The following RALGPS2 variants were observed in gnomAD, a reference collection of about 807,000 sequenced individuals.
The protein encoded by RALGPS2 is Ral GEF with PH domain and SH3 binding motif 2, also known as ras-specific guanine nucleotide-releasing factor RalGPS2.
A neutral mutation model predicts 86.8 loss-of-function variants in RALGPS2; 43 were observed. That is an observed-to-expected ratio of 0.50 (90% confidence interval 0.39 to 0.64). RALGPS2 has a LOEUF of 0.64. Ranked by LOEUF, RALGPS2 falls within the 30% of genes least tolerant of loss-of-function variation. The pLI is 0.00. For missense variants in RALGPS2, 536 were observed against 694.6 expected (o/e 0.77, Z 2.57); for synonymous variants, 243 against 231.3 (o/e 1.05, Z -0.46).
intron 4 of RALGPS2, among the ~76,000 whole-genome samples, chr1:178,802,216 A>T (rs1654514139): frequency 6.6e-6 from 1 of 152,086 alleles, no homozygotes; most frequent in Admixed American, 6.6e-5. Flanking sequence ...TTCTTAAAGT[A>T]AGCTAGAAAA....
chr1:178,741,433 G>T (rs1016429175), intron 1 of RALGPS2, among the ~76,000 whole-genome samples: 2 of 152,232 alleles, frequency 1.3e-5, no homozygotes, highest in South Asian at 2.1e-4. Context: ...CTTTTTAAAT[G>T]AAGCTAAGGA....
rs1660207155 is a variant in RALGPS2, at chr1:178,902,202, T to G, written c.1621T>G (p.Ser541Ala). 1.2e-6 allele frequency: 2 copies of G among 1,611,006 alleles called. No individual in the cohort carries two copies. The highest frequency in any genetic ancestry group is 1.3e-5 in the African/African-American group (1 of 74,798). Residue 541 changes from serine to alanine, a missense_variant, in exon 18 of 20, where the codon TCT becomes GCT. Coordinates refer to ENST00000367635, the MANE Select transcript of RALGPS2 (RefSeq NM_152663.5). ...TCCTGATCTCTTCCTGCTGACTGAC[T>G]CTGAGAAAGGTGAATTGTTAGAATA... is the stretch of plus-strand genomic sequence containing the variant. ...EHPDLFLLTD[S>A]EKGNSYKFQA... is the part of the protein sequence containing the mutation.
At chr1:178,800,640 G>T (rs569363831) in intron 4 of RALGPS2, among the ~76,000 whole-genome samples, 35 of 152,268 alleles carry the variant, frequency 2.3e-4, no homozygotes, top group Non-Finnish European at 4.7e-4. Flanking sequence ...TATGAGTAAG[G>T]CTGGTCAGCA....
At chr1:178,879,856 C>T (rs1659164130) in intron 10 of RALGPS2, 1 of 150,938 alleles carries the variant, frequency 6.6e-6, no homozygotes, top group South Asian at 2.1e-4. Context: ...ATTTTTATCT[C>T]CTTATATCCA....
At chr1:178,839,615 A>C (rs971765954) in intron 8 of RALGPS2, among the ~76,000 whole-genome samples, 11 of 152,170 alleles carry the variant, frequency 7.2e-5, no homozygotes, top group African/African-American at 2.7e-4. Context: ...TAATGAGCAA[A>C]ATAACCAGCG....
intron 1 of RALGPS2, among the ~76,000 whole-genome samples, chr1:178,734,729 T>C (rs1174123435): frequency 6.6e-6 from 1 of 152,192 alleles, no homozygotes; most frequent in Non-Finnish European, 1.5e-5. Flanking sequence ...GTGGAAAATG[T>C]TGCACACTAA....
intron 10 of RALGPS2, among the ~76,000 whole-genome samples, chr1:178,882,197 TGATTCACCCAATAA>T (rs11273241): frequency 0.089 from 13,548 of 152,248 alleles, 653 homozygotes; most frequent in African/African-American, 0.13. Flanking sequence ...AATAGCAATG[TGATTCACCCAATAA>T]GCTCCCTTTC....
intron 8 of RALGPS2, among the ~76,000 whole-genome samples, chr1:178,871,368 A>T (rs1050240032): frequency 6.6e-6 from 1 of 152,200 alleles, no homozygotes; most frequent in Non-Finnish European, 1.5e-5. Flanking sequence ...AATACCGAAA[A>T]AAAAAATAGT....
intron 4 of RALGPS2, among the ~76,000 whole-genome samples, chr1:178,804,186 G>A (rs1654619336): frequency 6.8e-6 from 1 of 148,128 alleles, no homozygotes; most frequent in African/African-American, 2.5e-5. Context: ...TCCTAACTCA[G>A]TTATTCGCAT....
At chr1:178,747,408 A>T in intron 1 of RALGPS2, 1 of 1,550,470 alleles carries the variant, frequency 6.4e-7, no homozygotes, top group Non-Finnish European at 8.9e-7. Flanking sequence ...ACATCTTCTG[A>T]CAAGAGCTTC....
At chr1:178,835,413 G>A (rs1426440645) in intron 8 of RALGPS2, among the ~76,000 whole-genome samples, 3 of 131,408 alleles carry the variant, frequency 2.3e-5, no homozygotes, top group African/African-American at 8.9e-5. Flanking sequence ...TTTTTTTTGC[G>A]ACAGAGTCTC....
chr1:178,769,357 G>T (rs1019844066), intron 1 of RALGPS2, among the ~76,000 whole-genome samples: 1 of 152,078 alleles, frequency 6.6e-6, no homozygotes, highest in Admixed American at 6.5e-5. Flanking sequence ...TTGGAGATCT[G>T]CCTAAGCGTG....
At chr1:178,746,533 G>T in intron 1 of RALGPS2, 1 of 584,352 alleles carries the variant, frequency 1.7e-6, no homozygotes, top group South Asian at 1.7e-5. Context: ...TCATTCCCTG[G>T]ATGTCAAGTT....
intron 1 of RALGPS2, among the ~76,000 whole-genome samples, chr1:178,751,472 C>T (rs1013602166): frequency 1.3e-5 from 2 of 152,130 alleles, no homozygotes; most frequent in East Asian, 3.8e-4. Context: ...ATTTGCTCTT[C>T]TTGAGAGAGA....
intron 1 of RALGPS2, among the ~76,000 whole-genome samples, chr1:178,775,992 A>C (rs911525565): frequency 1.3e-5 from 2 of 151,772 alleles, no homozygotes; most frequent in South Asian, 4.2e-4. Flanking sequence ...TAATTCCCTA[A>C]AAAATACAAT....
chr1:178,744,097 C>A (rs1367794539), intron 1 of RALGPS2, among the ~76,000 whole-genome samples: 1 of 152,076 alleles, frequency 6.6e-6, no homozygotes, highest in Non-Finnish European at 1.5e-5. Flanking sequence ...AGCATACATA[C>A]AAAAGTTCTA....
intron 1 of RALGPS2, among the ~76,000 whole-genome samples, chr1:178,726,791 AG>A (rs1650037949): frequency 6.6e-6 from 1 of 152,180 alleles, no homozygotes; most frequent in Admixed American, 6.5e-5. Context: ...TCAGAATTTT[AG>A]GAAACTTTTC....
chr1:178,885,352 C>A, intron 12 of RALGPS2, 141 bp downstream of exon 12: 1 of 778,066 alleles, frequency 1.3e-6, no homozygotes, highest in Non-Finnish European at 1.9e-6. Flanking sequence ...CAGTAAAATG[C>A]CTTGTTTGCC....
At chr1:178,864,201 T>G (rs1167164105) in intron 8 of RALGPS2, among the ~76,000 whole-genome samples, 2 of 152,150 alleles carry the variant, frequency 1.3e-5, no homozygotes, top group Non-Finnish European at 2.9e-5. Context: ...GATCAGTGAC[T>G]GACATTGAAT....
Sources: gnomAD v4.1 joint callset for allele counts (sites outside exome capture counted in the v4.1 genomes callset) on GRCh38, gnomAD v4.1.1 for gene constraint, MANE v1.5 for transcripts, NCBI Gene and HGNC (gene_info 2026-07-23, HGNC 2026-07-21) for gene names.